Variants in SGMS1 observed in about 807,000 individuals in gnomAD.
SGMS1 encodes phosphatidylcholine:ceramide cholinephosphotransferase 1.
In SGMS1, 13 loss-of-function variants were observed where a neutral mutation model predicts 46.2. The ratio of observed to expected loss-of-function variants is 0.28; its 90% confidence interval spans 0.18 to 0.45. The LOEUF (loss-of-function observed/expected upper bound fraction) is 0.45. Among genes scored for constraint, SGMS1 ranks in the 20% least tolerant of loss-of-function variants. The pLI is 1.00. For synonymous variants in SGMS1, 203 were observed against 187.8 expected (o/e 1.08, Z -0.66); for missense variants, 324 against 519.9 (o/e 0.62, Z 3.66).
At chr10:50,575,952 G>A (rs1455752104) in intron 2 of SGMS1, among the ~76,000 whole-genome samples, 2 of 152,106 alleles carry the variant, frequency 1.3e-5, no homozygotes, top group Non-Finnish European at 2.9e-5. Flanking sequence ...TACTCCCAGA[G>A]CCCTAGCCCC....
intron 6 of SGMS1, among the ~76,000 whole-genome samples, chr10:50,385,073 T>TA (rs1848663898): frequency 6.6e-6 from 1 of 152,220 alleles, no homozygotes; most frequent in East Asian, 1.9e-4. Flanking sequence ...TAGTTTTTTT[T>TA]TACCGAATAT....
chr10:50,623,035 C>A (rs1053688182), intron 1 of SGMS1, among the ~76,000 whole-genome samples: 44 of 152,212 alleles, frequency 2.9e-4, no homozygotes, highest in Admixed American at 2.9e-3. Flanking sequence ...CGTCCCCGCC[C>A]CGCGGGGGCA....
intron 2 of SGMS1, among the ~76,000 whole-genome samples, chr10:50,565,707 G>A (rs1040250463): frequency 1.3e-5 from 2 of 152,166 alleles, no homozygotes; most frequent in African/African-American, 4.8e-5. Context: ...TCTTCCTCTA[G>A]GAAGTCAACA....
intron 3 of SGMS1, among the ~76,000 whole-genome samples, chr10:50,506,315 T>C (rs1837706362): frequency 6.6e-6 from 1 of 152,220 alleles, no homozygotes; most frequent in South Asian, 2.1e-4. Flanking sequence ...TTGTACTCAT[T>C]TTTGCATCTC....
intron 6 of SGMS1, among the ~76,000 whole-genome samples, chr10:50,402,987 C>A (rs1407056527): frequency 6.6e-6 from 1 of 152,138 alleles, no homozygotes; most frequent in African/African-American, 2.4e-5. Flanking sequence ...ATTTGGCTTT[C>A]CGTTCCTGAG....
intron 6 of SGMS1, among the ~76,000 whole-genome samples, chr10:50,374,765 C>G (rs1330536883): frequency 6.6e-6 from 1 of 152,118 alleles, no homozygotes; most frequent in Non-Finnish European, 1.5e-5. Context: ...CACTGTTTCT[C>G]TAATATGCCT....
At chr10:50,448,653 A>T (rs976885010) in intron 5 of SGMS1, among the ~76,000 whole-genome samples, 1 of 149,980 alleles carries the variant, frequency 6.7e-6, no homozygotes, top group Non-Finnish European at 1.5e-5. Context: ...CTGAGGCAGG[A>T]GAATCATTTG....
chr10:50,547,915 C>A (rs1838115446), intron 2 of SGMS1, among the ~76,000 whole-genome samples: 1 of 152,160 alleles, frequency 6.6e-6, no homozygotes, highest in Non-Finnish European at 1.5e-5. Flanking sequence ...TGCAATTCAT[C>A]ACATAAACAG....
At chr10:50,445,974 T>C (rs1263965252) in intron 5 of SGMS1, among the ~76,000 whole-genome samples, 1 of 152,152 alleles carries the variant, frequency 6.6e-6, no homozygotes, top group Non-Finnish European at 1.5e-5. Flanking sequence ...CTTTTACGAT[T>C]GTAGATAAGG....
chr10:50,386,649 G>A (rs1283905114), intron 6 of SGMS1, among the ~76,000 whole-genome samples: 1 of 152,144 alleles, frequency 6.6e-6, no homozygotes, highest in African/African-American at 2.4e-5. Flanking sequence ...CCCAGGTGAC[G>A]TCTAAGTTGC....
intron 6 of SGMS1, among the ~76,000 whole-genome samples, chr10:50,427,216 T>C (rs1049844693): frequency 6.6e-6 from 1 of 151,932 alleles, no homozygotes; most frequent in African/African-American, 2.4e-5. Flanking sequence ...GGCTAACATG[T>C]TGAAACCCCG....
At chr10:50,419,856 G>A (rs1849231903) in intron 6 of SGMS1, among the ~76,000 whole-genome samples, 1 of 152,282 alleles carries the variant, frequency 6.6e-6, no homozygotes, top group African/African-American at 2.4e-5. Context: ...ACAGGCCAAG[G>A]TTTCTTGAAA....
At chr10:50,623,488 G>T in intron 1 of SGMS1, 1 of 822,864 alleles carries the variant, frequency 1.2e-6, no homozygotes, top group Non-Finnish European at 1.5e-6. Context: ...CCCGGATCCC[G>T]GCCGCCGGAC....
At chr10:50,422,171 C>A (rs554395792) in intron 6 of SGMS1, among the ~76,000 whole-genome samples, 30 of 152,226 alleles carry the variant, frequency 2.0e-4, no homozygotes, top group Non-Finnish European at 4.0e-4. Flanking sequence ...GATCCCTGAC[C>A]TTTCACTCTC....
intron 1 of SGMS1, among the ~76,000 whole-genome samples, chr10:50,597,684 T>C (rs1038346389): frequency 7.2e-5 from 11 of 152,096 alleles, no homozygotes; most frequent in Admixed American, 2.6e-4. Flanking sequence ...ATGCTGTTTG[T>C]AGTGGTGGTT....
At chr10:50,599,842 G>A (rs1412825095) in intron 1 of SGMS1, among the ~76,000 whole-genome samples, 5 of 152,094 alleles carry the variant, frequency 3.3e-5, no homozygotes, top group African/African-American at 7.2e-5. Context: ...CAGCCTGGGC[G>A]ACAGACCAAG....
At chr10:50,598,012 CAA>C (rs544250440) in intron 1 of SGMS1, among the ~76,000 whole-genome samples, 11 of 92,350 alleles carry the variant, frequency 1.2e-4, no homozygotes, top group Admixed American at 1.2e-4. Context: ...AACTCCGTCT[CAA>C]AAAAAAAAAA....
At chr10:50,500,236 T>C (rs1222047965) in intron 3 of SGMS1, among the ~76,000 whole-genome samples, 1 of 152,180 alleles carries the variant, frequency 6.6e-6, no homozygotes, top group Non-Finnish European at 1.5e-5. Context: ...TGGGTATCTT[T>C]AACTTGGAAT....
intron 5 of SGMS1, among the ~76,000 whole-genome samples, chr10:50,435,077 C>G (rs1393749854): frequency 6.6e-6 from 1 of 152,072 alleles, no homozygotes; most frequent in Non-Finnish European, 1.5e-5. Flanking sequence ...GCTTTATATG[C>G]CTGGCCACTG....
Sources: gnomAD v4.1 joint callset for allele counts (sites outside exome capture counted in the v4.1 genomes callset) on GRCh38, gnomAD v4.1.1 for gene constraint, MANE v1.5 for transcripts, NCBI Gene and HGNC (gene_info 2026-07-23, HGNC 2026-07-21) for gene names.